Variants in PLPBP observed in about 807,000 individuals in gnomAD.
PLPBP encodes pyridoxal phosphate binding protein.
PLPBP carries 21 observed loss-of-function variants against 31.2 expected under a neutral mutation model. That is an observed-to-expected ratio of 0.67 (90% confidence interval 0.48 to 0.97). The LOEUF is 0.97. Ranked by LOEUF, PLPBP falls within the 50% of genes least tolerant of loss-of-function variation. The pLI is 0.00. For synonymous variants in PLPBP, 124 were observed against 135.6 expected (o/e 0.91, Z 0.59); for missense variants, 308 against 354.4 (o/e 0.87, Z 1.05).
At position 37,775,345 on chromosome 8, in the gene PLPBP, A is replaced by G; in HGVS notation, c.461A>G (p.His154Arg). 1 of 1,614,182 alleles carries G rather than the reference A, an allele frequency of 6.2e-7. No individual in the cohort carries two copies. The highest frequency in any genetic ancestry group is 1.1e-5 in the South Asian group (1 of 91,086). The change falls in exon 6 of 8, where the codon CAT (histidine) becomes CGT (arginine). Residue 154 changes from histidine to arginine, a missense_variant. By Grantham distance (29) the His-to-Arg change is conservative. Transcript: ENST00000328195. ...TCTGTTTCTTTTCTTGAAGGTAAAC[A>G]TGGCCTTCCACCTTCAGAGACCATA... ...QINTSGEESK[H>R]GLPPSETIAI...
At chr8:37,776,092 T>G in intron 7 of PLPBP, 76 bp downstream of exon 7, 1 of 1,385,200 alleles carries the variant, frequency 7.2e-7, no homozygotes, top group Non-Finnish European at 1.0e-6. Context: ...CAAGAGCAGA[T>G]CTTTGCTGTA....
chr8:37,763,527 A>G (rs1342154805), intron 1 of PLPBP, among the ~76,000 whole-genome samples: 1 of 152,002 alleles, frequency 6.6e-6, no homozygotes, highest in Admixed American at 6.5e-5. Context: ...GTTACCTTGA[A>G]CAAGTCAGGT....
intron 1 of PLPBP, 70 bp from the exon 2 acceptor site, chr8:37,765,456 T>C: frequency 7.0e-7 from 1 of 1,419,450 alleles, no homozygotes; most frequent in South Asian, 1.2e-5. Flanking sequence ...TCCTACAGGA[T>C]CTATCCTATG....
In PLPBP at chr8:37,776,022, T is replaced by G; in HGVS notation, c.696+6T>G. 1 of 1,611,722 alleles carries G rather than the reference T, an allele frequency of 6.2e-7. No homozygotes were observed. Among genetic ancestry groups the G allele is most frequent in the Non-Finnish European group, 8.5e-7 (1 of 1,178,408 alleles). On this transcript the variant is annotated splice_donor_region_variant and intron_variant, in intron 7 of 7. Coordinates refer to ENST00000328195, the MANE Select transcript of PLPBP (RefSeq NM_007198.4). Reference sequence around the variant, plus strand: ...CCGCGGATTTCCAGCATGCGGTGAGTGTCCTGCCAGTGCCCTGTCTGCCTC... The same window carrying G: ...CCGCGGATTTCCAGCATGCGGTGAGGGTCCTGCCAGTGCCCTGTCTGCCTC...
chr8:37,764,734 A>G (rs1229334978), intron 1 of PLPBP, among the ~76,000 whole-genome samples: 1 of 152,218 alleles, frequency 6.6e-6, no homozygotes, highest in Non-Finnish European at 1.5e-5. Flanking sequence ...CAGGACTAGA[A>G]TGAGTCGCCA....
intron 4 of PLPBP, chr8:37,766,623 G>T: frequency 9.2e-7 from 1 of 1,087,154 alleles, no homozygotes; most frequent in Non-Finnish European, 1.1e-6. Context: ...AAATTATAAA[G>T]AATTGTAGCC....
chr8:37,770,820 G>A (rs1016750179), intron 4 of PLPBP, among the ~76,000 whole-genome samples: 15 of 151,182 alleles, frequency 9.9e-5, no homozygotes, highest in Non-Finnish European at 1.8e-4. Flanking sequence ...CAGGTGATCC[G>A]CCCACCTCAG....
At position 37,765,585 on chromosome 8, in the gene PLPBP, G is replaced by A. The variant is rs1173889260; in HGVS notation, c.159G>A (p.Met53Ile). The A allele has an allele frequency of 2.5e-6, 4 of 1,614,012 alleles. No homozygotes were observed. Among genetic ancestry groups the A allele is most frequent in the Non-Finnish European group, 3.4e-6 (4 of 1,179,994 alleles). The part of the protein sequence containing the change: ...VAVSKTKPAD[M>I]VIEAYGHGQR... ...TCAGCAAAACCAAACCTGCAGACAT[G>A]GTGATCGAGGCCTATGGACATGGGC... Residue 53 changes from methionine (M) to isoleucine (I), a missense_variant, in exon 2 of 8, where the codon ATG becomes ATA. Transcript: ENST00000328195.
intron 4 of PLPBP, among the ~76,000 whole-genome samples, chr8:37,770,249 C>T (rs998444055): frequency 1.3e-5 from 2 of 152,124 alleles, no homozygotes; most frequent in African/African-American, 4.8e-5. Context: ...TACTGTAGAG[C>T]TATAGTAACC....
rs1804003447 is a variant in PLPBP, at chr8:37,779,340, A to G, written c.*1236A>G. 1 of 152,206 alleles carries G rather than the reference A, an allele frequency of 6.6e-6. No individual in the cohort carries two copies. The highest frequency in any genetic ancestry group is 2.4e-5 in the African/African-American group (1 of 41,450). 9.4% of individuals were successfully genotyped at this position (152,206 alleles called of 1,614,324 possible). On this transcript the variant is annotated 3_prime_UTR_variant, in exon 8 of 8. Coordinates refer to ENST00000328195, the MANE Select transcript of PLPBP (RefSeq NM_007198.4). ...AAGCCTTTTCAGGCACATGGTTTCA[A>G]CAAAGCCTGGCTTTGACATTCCTTG...
Position 37,765,579 on chromosome 8 carries a change from A to G in PLPBP, c.153A>G (p.Ala51=). The G allele has an allele frequency of 6.2e-7, 1 of 1,614,084 alleles. No homozygotes were observed. The highest frequency in any genetic ancestry group is 8.5e-7 in the Non-Finnish European group (1 of 1,179,954). The change falls in exon 2 of 8, where the codon GCA becomes GCG. Residue 51 remains alanine (A), a synonymous_variant. Transcript: ENST00000328195. ...TGGCGGTCAGCAAAACCAAACCTGC[A>G]GACATGGTGATCGAGGCCTATGGAC... ...RLVAVSKTKP[A]DMVIEAYGHG... is the part of the protein sequence containing the mutation.
At position 37,779,034 on chromosome 8, in the gene PLPBP, C is replaced by CT. The variant is rs1009911148; in HGVS notation, c.*936dup. The CT allele has an allele frequency of 2.6e-5, 4 of 151,966 alleles. No homozygotes were observed. The highest frequency in any genetic ancestry group is 7.3e-5 in the African/African-American group (3 of 41,378). The allele number at this position is 151,966 out of a possible 1,614,324, so 9.4% of individuals were successfully genotyped here. A position where few individuals can be genotyped will look rare whatever the true frequency, so the allele number is the denominator to read the frequency against. On this transcript the variant is annotated 3_prime_UTR_variant, in exon 8 of 8. Transcript: ENST00000328195. ...TTAATATGCAGATAATACCCCCCAACTTTTTTAGAGACAGCCTGTCTCTTA... is the reference window on the plus strand; with the variant it reads ...TTAATATGCAGATAATACCCCCCAACTTTTTTTAGAGACAGCCTGTCTCTTA...
Position 37,765,538 on chromosome 8 carries a change from A to T in PLPBP, c.112A>T (p.Ile38Phe), listed in dbSNP as rs982123982. The change falls in exon 2 of 8, where the codon ATC becomes TTC. Residue 38 changes from isoleucine (I) to phenylalanine (F), a missense_variant. Physicochemically the swap from Ile to Phe is conservative, Grantham distance 21 (BLOSUM62 0). Coordinates refer to ENST00000328195, the MANE Select transcript of PLPBP (RefSeq NM_007198.4). Reference protein sequence around the residue: ...VARRPRDLPAIQPRLVAVSKT... With the variant: ...VARRPRDLPAFQPRLVAVSKT... ...TCCCTCTTGGCAGGATCTCCCAGCC[A>T]TCCAGCCCCGGCTAGTGGCGGTCAG... is the stretch of plus-strand genomic sequence containing the variant. 1.2e-6 allele frequency: 2 copies of T among 1,613,942 alleles called. No individual in the cohort carries two copies. The highest frequency in any genetic ancestry group is 1.7e-6 in the Non-Finnish European group (2 of 1,179,942).
chr8:37,775,775 C>A lies in PLPBP; in HGVS notation c.598-143C>A, dbSNP rs563668833. 5 of 936,736 alleles carry A rather than the reference C, an allele frequency of 5.3e-6. No individual in the cohort carries two copies. In the East Asian group the frequency reaches 9.7e-5, roughly 18 times the overall value. 58.0% of individuals were successfully genotyped at this position (936,736 alleles called of 1,614,324 possible). On this transcript the variant is annotated intron_variant, in intron 6 of 7. Coordinates refer to ENST00000328195, the MANE Select transcript of PLPBP (RefSeq NM_007198.4). ...CGAAAGTGGGATAGTTTGCAAAAAACCCTTTCAGTAACGTCTGGCAATTTT... is the reference window on the plus strand; with the variant it reads ...CGAAAGTGGGATAGTTTGCAAAAAAACCTTTCAGTAACGTCTGGCAATTTT...
intron 4 of PLPBP, 56 bp downstream of exon 4, chr8:37,766,411 T>C: frequency 6.6e-7 from 1 of 1,518,512 alleles, no homozygotes. Context: ...TTGCTTCTAC[T>C]ACCCTTTGTG....
chr8:37,765,415 C>T (rs1803596592), intron 1 of PLPBP, 111 bp from the exon 2 acceptor site: 2 of 997,668 alleles, frequency 2.0e-6, no homozygotes, highest in Non-Finnish European at 3.1e-6. Flanking sequence ...TGGATCTTAC[C>T]TAATGCCAAG....
In PLPBP at chr8:37,765,763, A is replaced by T. The variant is rs767888091; in HGVS notation, c.243+17A>T. 1.2e-6 allele frequency: 2 copies of T among 1,605,350 alleles called. No individual in the cohort carries two copies. The highest frequency in any genetic ancestry group is 3.5e-5 in the Admixed American group (2 of 56,978). On this transcript the variant is annotated intron_variant, in intron 3 of 7. Coordinates refer to ENST00000328195, the MANE Select transcript of PLPBP (RefSeq NM_007198.4). The stretch of plus-strand genomic sequence containing the variant: ...AATCCCAAAGTAAGTAGATAGCTGA[A>T]TTCTTTAATTTGTATCTAAATCTTG...
intron 1 of PLPBP, among the ~76,000 whole-genome samples, chr8:37,764,323 G>GT (rs1390742604): frequency 6.8e-6 from 1 of 146,370 alleles, no homozygotes; most frequent in South Asian, 2.2e-4. Context: ...CCAGACTGTT[G>GT]TTTTTTGTTT....
In PLPBP at chr8:37,766,329, A is replaced by C. The variant is rs751429802; in HGVS notation, c.293A>C (p.Gln98Pro). 1 of 1,609,786 alleles carries C rather than the reference A, an allele frequency of 6.2e-7. No individual in the cohort carries two copies. Among genetic ancestry groups the C allele is most frequent in the Non-Finnish European group, 8.5e-7 (1 of 1,178,016 alleles). The change falls in exon 4 of 8, where the codon CAG becomes CCG. Residue 98 changes from glutamine (Q) to proline (P), a missense_variant. Physicochemically the swap from Gln to Pro is moderately conservative, Grantham distance 76. Transcript: ENST00000328195. ...AAATGGCACTTCATTGGCCACCTACAGAAACAAAATGTCAACAAATTGATG... is the reference window on the plus strand; with the variant it reads ...AAATGGCACTTCATTGGCCACCTACCGAAACAAAATGTCAACAAATTGATG... The part of the protein sequence containing the change: ...EIKWHFIGHL[Q>P]KQNVNKLMAV...
Sources: allele counts gnomAD v4.1 joint callset (sites outside exome capture counted in the v4.1 genomes callset), GRCh38; gene constraint gnomAD v4.1.1; transcripts MANE v1.5; gene names NCBI Gene and HGNC (gene_info 2026-07-23, HGNC 2026-07-21).